SDHAF4: variants seen among roughly 807,000 people sequenced by gnomAD.
The protein encoded by SDHAF4 is succinate dehydrogenase assembly factor 4, mitochondrial.
In SDHAF4, 14 loss-of-function variants were observed where a neutral mutation model predicts 14.3. The observed-to-expected ratio is 0.98, with a 90% CI of 0.65 to 1.53. SDHAF4 has a LOEUF of 1.53. Among genes scored for constraint, SDHAF4 ranks in the 40% most tolerant of loss-of-function variants. The pLI is 0.00. For synonymous variants in SDHAF4, 63 were observed against 47.3 expected (o/e 1.33, Z -1.36); for missense variants, 141 against 129.3 (o/e 1.09, Z -0.44).
chr6:70,567,848 A>G (rs1802122717), intron 1 of SDHAF4, among the ~76,000 whole-genome samples: 2 of 151,906 alleles, frequency 1.3e-5, no homozygotes, highest in Admixed American at 6.6e-5. Context: ...ACCGTGCCTG[A>G]CTAATTTTTT....
chr6:70,590,744 T>C (rs917389305), downstream of SDHAF4, among the ~76,000 whole-genome samples: 2 of 152,206 alleles, frequency 1.3e-5, no homozygotes, highest in African/African-American at 4.8e-5. Flanking sequence ...GTTGAGAAGA[T>C]TAAATGAATA....
chr6:70,590,086 A>G (rs1201649838), downstream of SDHAF4, among the ~76,000 whole-genome samples: 1 of 152,144 alleles, frequency 6.6e-6, no homozygotes, highest in East Asian at 1.9e-4. Context: ...AAAAATACAA[A>G]AACTAGCTGG....
intron 1 of SDHAF4, among the ~76,000 whole-genome samples, chr6:70,578,197 T>C (rs971859115): frequency 2.0e-5 from 3 of 152,228 alleles, no homozygotes; most frequent in African/African-American, 7.2e-5. Context: ...ACTAGCAGTG[T>C]ATACGCATTC....
the SDHAF4 span, chr6:70,596,817 A>G: frequency 6.6e-6 from 1 of 152,234 alleles, no homozygotes; most frequent in African/African-American, 2.4e-5. Context: ...AACTTGTAAG[A>G]GCAAGCATAA....
At chr6:70,569,846 T>C (rs1287932952) in intron 1 of SDHAF4, among the ~76,000 whole-genome samples, 2 of 152,234 alleles carry the variant, frequency 1.3e-5, no homozygotes, top group Non-Finnish European at 2.9e-5. Context: ...TAATCTCTTA[T>C]ATTTTCTTCT....
At chr6:70,581,421 A>G (rs986570055) in intron 2 of SDHAF4, among the ~76,000 whole-genome samples, 2 of 152,198 alleles carry the variant, frequency 1.3e-5, no homozygotes, top group African/African-American at 2.4e-5. Context: ...TGTTGAACCT[A>G]CCATCCCTTA....
chr6:70,579,596 T>C, intron 2 of SDHAF4, 30 bp downstream of exon 2: 1 of 1,542,990 alleles, frequency 6.5e-7, no homozygotes, highest in South Asian at 1.3e-5. Context: ...TCTCAGTTTT[T>C]GAAGTATCAA....
intron 1 of SDHAF4, among the ~76,000 whole-genome samples, chr6:70,575,936 A>G (rs908078582): frequency 6.6e-6 from 1 of 152,090 alleles, no homozygotes; most frequent in Non-Finnish European, 1.5e-5. Flanking sequence ...TTTCCCGTGT[A>G]GTCGAGGTAG....
chr6:70,597,299 A>ATATTTTTTTT, the SDHAF4 span, among the ~76,000 whole-genome samples: 1 of 108,100 alleles, frequency 9.3e-6, no homozygotes, highest in Admixed American at 1.0e-4. Context: ...CGCCTGGCTA[A>ATATTTTTTTT]TTTTTTTTTT....
At chr6:70,586,203 C>A (rs1765199438) in intron 2 of SDHAF4, among the ~76,000 whole-genome samples, 1 of 152,262 alleles carries the variant, frequency 6.6e-6, no homozygotes, top group South Asian at 2.1e-4. Context: ...TAACTGACTT[C>A]TCTAGGGATT....
chr6:70,579,490 C>T lies in SDHAF4; in HGVS notation c.141C>T (p.Ser47=). 1 of 1,611,732 alleles carries T rather than the reference C, an allele frequency of 6.2e-7. No homozygotes were observed. Among genetic ancestry groups the T allele is most frequent in the Admixed American group, 1.7e-5 (1 of 59,738 alleles). ...GAAAGTCTGAACTTGTCAAACAGTC[C>T]CTTAAGAAGCCGAAGTTACCAGAAG... is the stretch of plus-strand genomic sequence containing the variant. ...QGGKSELVKQ[S]LKKPKLPEGR... The change falls in exon 2 of 3, where the codon TCC becomes TCT. Residue 47 remains serine (S), a synonymous_variant. Coordinates refer to ENST00000370474, the MANE Select transcript of SDHAF4 (RefSeq NM_145267.3).
At chr6:70,596,701 A>G in the SDHAF4 span, 4 of 152,190 alleles carry the variant, frequency 2.6e-5, no homozygotes, top group Non-Finnish European at 4.4e-5. Flanking sequence ...GGCTCATGCC[A>G]TGGAGTGTTG....
chr6:70,588,842 A>AATATATATATATATATATAT lies in SDHAF4; in HGVS notation c.*132_*133insATATATATATATATATATAT, dbSNP rs70990317. On this transcript the variant is annotated 3_prime_UTR_variant, in exon 3 of 3. Coordinates refer to ENST00000370474, the MANE Select transcript of SDHAF4 (RefSeq NM_145267.3). ...TCGTGTAGTTTGTATAATGTGTTTA[A>AATATATATATATATATATAT]ATATATATATATATGATGGCTTTGG... The AATATATATATATATATATAT allele has an allele frequency of 0.015, 5,015 of 342,184 alleles. 139 individuals are homozygous for AATATATATATATATATATAT. Among genetic ancestry groups the AATATATATATATATATATAT allele is most frequent in the Admixed American group, 0.039 (930 of 23,564 alleles). 21.2% of individuals were successfully genotyped at this position (342,184 alleles called of 1,614,324 possible).
intron 2 of SDHAF4, among the ~76,000 whole-genome samples, chr6:70,584,742 G>A (rs1229214701): frequency 6.6e-6 from 1 of 152,200 alleles, no homozygotes; most frequent in Admixed American, 6.6e-5. Context: ...GGGATTTGGA[G>A]GAGGAACATA....
the SDHAF4 span, among the ~76,000 whole-genome samples, chr6:70,595,544 A>G: frequency 6.6e-5 from 10 of 152,364 alleles, no homozygotes; most frequent in East Asian, 3.9e-4. Context: ...TCAACCTCCA[A>G]CTGCCCAAGT....
chr6:70,596,840 C>T, the SDHAF4 span: 1 of 152,096 alleles, frequency 6.6e-6, no homozygotes, highest in Non-Finnish European at 1.5e-5. Flanking sequence ...CCACATTCTG[C>T]TAGTAAATAA....
chr6:70,588,261 C>T lies in SDHAF4; in HGVS notation c.218-354C>T, dbSNP rs541105627. ...ATAGGCTGGTCTCGGCGGCTCACGC[C>T]TGTAATCCCAGCACTTTGGGAGGCC... On this transcript the variant is annotated intron_variant, in intron 2 of 2. Transcript: ENST00000370474. Among the ~76,000 whole-genome samples, 3 of 152,342 alleles carry T rather than the reference C, an allele frequency of 2.0e-5. No homozygotes were observed. The South Asian group carries it at 6.2e-4, about 32-fold the overall frequency.
chr6:70,580,240 C>T (rs1003830172), intron 2 of SDHAF4, among the ~76,000 whole-genome samples: 6 of 152,228 alleles, frequency 3.9e-5, no homozygotes, highest in African/African-American at 9.6e-5. Context: ...GCATCAGCAT[C>T]ATTATCATTA....
intron 2 of SDHAF4, among the ~76,000 whole-genome samples, chr6:70,587,168 T>TCACACACACACACACACACACACA (rs56012930): frequency 6.8e-4 from 92 of 135,552 alleles, no homozygotes; most frequent in African/African-American, 8.8e-4. Context: ...TGAAACTCCA[T>TCACACACACACACACACACACACA]CACACACACA....
Sources: gnomAD v4.1 joint callset for allele counts (sites outside exome capture counted in the v4.1 genomes callset) on GRCh38, gnomAD v4.1.1 for gene constraint, MANE v1.5 for transcripts, NCBI Gene and HGNC (gene_info 2026-07-23, HGNC 2026-07-21) for gene names.